The following CLYBL variants were observed in gnomAD, a reference collection of about 807,000 sequenced individuals.
CLYBL encodes citramalyl-CoA lyase.
A neutral mutation model predicts 38.9 loss-of-function variants in CLYBL; 31 were observed. The observed-to-expected ratio is 0.80, with a 90% CI of 0.60 to 1.08. The LOEUF is 1.08. Ranked by LOEUF, CLYBL falls within the 50% of genes least tolerant of loss-of-function variation. The pLI is 0.00. For synonymous variants in CLYBL, 171 were observed against 158.6 expected (o/e 1.08, Z -0.59); for missense variants, 434 against 411.6 (o/e 1.05, Z -0.47).
At chr13:99,622,079 C>A (rs1299670338) in intron 1 of CLYBL, among the ~76,000 whole-genome samples, 1 of 152,196 alleles carries the variant, frequency 6.6e-6, no homozygotes, top group Non-Finnish European at 1.5e-5. Context: ...AAGCCAGACC[C>A]AGTGGGCTGA....
At chr13:99,872,840 A>G (rs2051942547) in intron 7 of CLYBL, among the ~76,000 whole-genome samples, 2 of 152,196 alleles carry the variant, frequency 1.3e-5, no homozygotes, top group Non-Finnish European at 2.9e-5. Context: ...AATGAGGAAA[A>G]TGGCCCTTTT....
chr13:99,737,183 AG>A (rs2048681633), intron 1 of CLYBL, among the ~76,000 whole-genome samples: 1 of 134,560 alleles, frequency 7.4e-6, no homozygotes, highest in South Asian at 2.3e-4. Flanking sequence ...CCAGCTCCTT[AG>A]CCCAGCAGCA....
At chr13:99,717,175 C>T (rs958865781) in intron 1 of CLYBL, among the ~76,000 whole-genome samples, 61 of 151,778 alleles carry the variant, frequency 4.0e-4, no homozygotes, top group African/African-American at 1.4e-3. Context: ...CCTGTAATCC[C>T]AGCACTTTGG....
intron 1 of CLYBL, among the ~76,000 whole-genome samples, chr13:99,757,851 T>G (rs1404918286): frequency 6.6e-6 from 1 of 152,210 alleles, no homozygotes; most frequent in Non-Finnish European, 1.5e-5. Flanking sequence ...CATCAGCATA[T>G]TTGAAAATTC....
chr13:99,843,193 TTTGGCCTGGCATTTCCAC>T, intron 2 of CLYBL, among the ~76,000 whole-genome samples: 1 of 152,234 alleles, frequency 6.6e-6, no homozygotes, highest in East Asian at 1.9e-4. Flanking sequence ...GAGCAGGTAA[TTTGGCCTGGCATTTCCAC>T]TTCCAGGATT....
At chr13:99,840,108 A>C (rs1410146687) in intron 2 of CLYBL, among the ~76,000 whole-genome samples, 1 of 151,598 alleles carries the variant, frequency 6.6e-6, no homozygotes, top group East Asian at 1.9e-4. Context: ...CACAGTCCCA[A>C]CCTCAATGTC....
intron 1 of CLYBL, among the ~76,000 whole-genome samples, chr13:99,658,520 G>A (rs1431482736): frequency 1.3e-5 from 2 of 152,086 alleles, no homozygotes; most frequent in African/African-American, 2.4e-5. Flanking sequence ...CCCCCACGCC[G>A]GCCTCCCCTC....
At position 99,880,068 on chromosome 13, in the gene CLYBL, A is replaced by AT. The variant is rs1555324345; in HGVS notation, c.927+9023dup. On this transcript the variant is annotated intron_variant, in intron 7 of 8. Coordinates refer to ENST00000339105, the MANE Select transcript of CLYBL (RefSeq NM_206808.5). Reference sequence around the variant, plus strand: ...TGTGTATGTATATATATATATATATATTTTTTTTTTTTTTTTTGAGACAGA... The same window carrying AT: ...TGTGTATGTATATATATATATATATATTTTTTTTTTTTTTTTTTGAGACAGA... 7.0e-3 allele frequency among the ~76,000 whole-genome samples: 713 copies of AT among 101,184 alleles called. 11 individuals are homozygous for AT. Among genetic ancestry groups the AT allele is most frequent in the African/African-American group, 0.024 (584 of 24,676 alleles). 66.4% of individuals were successfully genotyped at this position (101,184 alleles called of 152,430 possible).
At chr13:99,877,157 C>G (rs368099338) in intron 7 of CLYBL, among the ~76,000 whole-genome samples, 1 of 152,198 alleles carries the variant, frequency 6.6e-6, no homozygotes, top group East Asian at 1.9e-4. Flanking sequence ...TACTCCAAAG[C>G]CCAGTGTCAT....
chr13:99,649,242 C>T lies in CLYBL; in HGVS notation c.62+42485C>T, dbSNP rs1003084677. Among the ~76,000 whole-genome samples, 18 of 152,246 alleles carry T rather than the reference C, an allele frequency of 1.2e-4. 1 individual carries two copies. The highest frequency in any genetic ancestry group is 3.9e-4 in the East Asian group (2 of 5,194). ...AAAACATAATTTCACTCAAGTTTTCCGCTTGCATTCTGTGTTGTACTATTA... is the reference window on the plus strand; with the variant it reads ...AAAACATAATTTCACTCAAGTTTTCTGCTTGCATTCTGTGTTGTACTATTA... On this transcript the variant is annotated intron_variant, in intron 1 of 8. Coordinates refer to ENST00000339105, the MANE Select transcript of CLYBL (RefSeq NM_206808.5).
At chr13:99,829,151 C>T (rs2050755393) in intron 2 of CLYBL, among the ~76,000 whole-genome samples, 1 of 152,218 alleles carries the variant, frequency 6.6e-6, no homozygotes, top group South Asian at 2.1e-4. Flanking sequence ...TGTGTTGAAC[C>T]TGTCACAGGA....
At chr13:99,756,342 C>T (rs757133886) in intron 1 of CLYBL, among the ~76,000 whole-genome samples, 1 of 152,190 alleles carries the variant, frequency 6.6e-6, no homozygotes, top group Non-Finnish European at 1.5e-5. Context: ...GGTAAGACAC[C>T]TTAGTTGTAC....
downstream of CLYBL, chr13:99,893,780 C>A (rs2052534726): frequency 6.6e-6 from 1 of 152,352 alleles, no homozygotes; most frequent in South Asian, 2.1e-4. Context: ...GCAGGCCCCT[C>A]CGCAAGGCCC....
chr13:99,841,397 T>TA (rs59464993), intron 2 of CLYBL, among the ~76,000 whole-genome samples: 94,003 of 151,932 alleles, frequency 0.62, 29,669 homozygotes, highest in East Asian at 0.73. Context: ...ATACATACTT[T>TA]TTTTTTTTAT....
intron 1 of CLYBL, 54 bp downstream of exon 1, chr13:99,606,811 C>G: frequency 7.5e-7 from 1 of 1,328,634 alleles, no homozygotes; most frequent in Non-Finnish European, 9.6e-7. Flanking sequence ...CGCGGGTCGG[C>G]TCCTGTTGCA....
At position 99,665,562 on chromosome 13, in the gene CLYBL, A is replaced by T. The variant is rs531248921; in HGVS notation, c.62+58805A>T. Among the ~76,000 whole-genome samples the T allele has an allele frequency of 9.2e-5, 14 of 152,146 alleles. No homozygotes were observed. The South Asian group carries it at 2.9e-3, about 32-fold the overall frequency. The stretch of plus-strand genomic sequence containing the variant: ...AACTTTTACACAGTAACCCTAAGAA[A>T]AGTCTCCACATATGGTCCCAAAGGT... On this transcript the variant is annotated intron_variant, in intron 1 of 8. Coordinates refer to ENST00000339105, the MANE Select transcript of CLYBL (RefSeq NM_206808.5).
At position 99,865,764 on chromosome 13, in the gene CLYBL, C is replaced by G. The variant is rs886725910; in HGVS notation, c.635-476C>G. On this transcript the variant is annotated intron_variant, in intron 5 of 8. Transcript: ENST00000339105. This position sits in a 1 kb window ranked among gnomAD's most constrained non-coding sequence, Gnocchi z 4.7. ...CGTCTCCCCAAGTTCTCCATCCAGACAGACCCTGAAGCTGAAGCATTTGGC... is the reference window on the plus strand; with the variant it reads ...CGTCTCCCCAAGTTCTCCATCCAGAGAGACCCTGAAGCTGAAGCATTTGGC... Among the ~76,000 whole-genome samples the G allele has an allele frequency of 2.0e-5, 3 of 152,218 alleles. No homozygotes were observed. The highest frequency in any genetic ancestry group is 7.2e-5 in the African/African-American group (3 of 41,460).
chr13:99,830,585 CTG>C (rs973631423), intron 2 of CLYBL, among the ~76,000 whole-genome samples: 23 of 152,282 alleles, frequency 1.5e-4, no homozygotes, highest in Admixed American at 1.2e-3. Flanking sequence ...CTCAACTACT[CTG>C]TGAGTCTGTG....
chr13:99,664,730 A>G (rs944416015), intron 1 of CLYBL, among the ~76,000 whole-genome samples: 8 of 152,196 alleles, frequency 5.3e-5, no homozygotes, highest in African/African-American at 1.9e-4. Flanking sequence ...ATGGCTAGAA[A>G]ACACAACACA....
Sources: gnomAD v4.1 joint callset for allele counts (sites outside exome capture counted in the v4.1 genomes callset) on GRCh38, gnomAD v4.1.1 for gene constraint, Gnocchi (gnomAD v3.1) non-coding constraint, MANE v1.5 for transcripts, NCBI Gene and HGNC (gene_info 2026-07-23, HGNC 2026-07-21) for gene names.